CLASP1: variants seen among roughly 807,000 people sequenced by gnomAD.
CLASP1 encodes CLIP-associating protein 1.
In CLASP1, 38 loss-of-function variants were observed where a neutral mutation model predicts 192.3. The ratio of observed to expected loss-of-function variants is 0.20; its 90% CI spans 0.15 to 0.26. The LOEUF (loss-of-function observed/expected upper bound fraction) is 0.26, where lower values mean the gene tolerates loss of function less well. Ranked by LOEUF, CLASP1 falls within the 10% of genes least tolerant of loss-of-function variation. CLASP1 has a pLI of 1.00. For synonymous variants in CLASP1, 691 were observed against 712.8 expected (o/e 0.97, Z 0.49); for missense variants, 1,433 against 1,932.5 (o/e 0.74, Z 4.85).
intron 2 of CLASP1, among the ~76,000 whole-genome samples, chr2:121,554,189 T>C (rs1399080209): frequency 6.6e-6 from 1 of 151,986 alleles, no homozygotes; most frequent in Non-Finnish European, 1.5e-5. Context: ...CACTCTGGCC[T>C]GAGCGACAAA....
At chr2:121,462,278 C>A (rs1056983635) in intron 10 of CLASP1, among the ~76,000 whole-genome samples, 7 of 150,928 alleles carry the variant, frequency 4.6e-5, no homozygotes, top group Admixed American at 2.6e-4. Flanking sequence ...TCATCTATTT[C>A]TTTCTCTTTT....
At chr2:121,559,213 C>T (rs1423118555) in intron 2 of CLASP1, among the ~76,000 whole-genome samples, 1 of 152,098 alleles carries the variant, frequency 6.6e-6, no homozygotes, top group Non-Finnish European at 1.5e-5. Context: ...TTGGTAAGGA[C>T]ATGGAGAAAC....
chr2:121,400,657 T>C (rs2076031371), intron 28 of CLASP1, among the ~76,000 whole-genome samples: 1 of 152,244 alleles, frequency 6.6e-6, no homozygotes, highest in Admixed American at 6.5e-5. Context: ...CAAGGCAAAC[T>C]GTCTGTTTCT....
At chr2:121,546,621 T>C (rs143429411) in intron 2 of CLASP1, among the ~76,000 whole-genome samples, 1 of 152,052 alleles carries the variant, frequency 6.6e-6, no homozygotes, top group Non-Finnish European at 1.5e-5. Flanking sequence ...GTCAGGAGAC[T>C]GCCTCATGAA....
intron 2 of CLASP1, among the ~76,000 whole-genome samples, chr2:121,601,428 T>C (rs7588531): frequency 0.23 from 34,972 of 151,940 alleles, 6,027 homozygotes; most frequent in African/African-American, 0.48. Context: ...TGTGCCACCA[T>C]GCCCAGCTAA....
At chr2:121,542,095 G>A (rs2095246925) in intron 2 of CLASP1, among the ~76,000 whole-genome samples, 1 of 116,650 alleles carries the variant, frequency 8.6e-6, no homozygotes, top group South Asian at 2.7e-4. Flanking sequence ...ATCTTCCCAA[G>A]TCAATAAATA....
chr2:121,412,087 T>C (rs909966426), intron 23 of CLASP1, among the ~76,000 whole-genome samples: 1 of 152,226 alleles, frequency 6.6e-6, no homozygotes, highest in African/African-American at 2.4e-5. Context: ...TTTAAAATTT[T>C]AGATATGCAA....
chr2:121,561,834 T>C (rs964439116), intron 2 of CLASP1, among the ~76,000 whole-genome samples: 5 of 152,300 alleles, frequency 3.3e-5, no homozygotes, highest in Middle Eastern at 3.4e-3. Flanking sequence ...CTCACTATTC[T>C]CCCTTGAAGA....
At chr2:121,574,681 G>A (rs2060322036) in intron 2 of CLASP1, among the ~76,000 whole-genome samples, 1 of 149,094 alleles carries the variant, frequency 6.7e-6, no homozygotes, top group Non-Finnish European at 1.5e-5. Flanking sequence ...GCTCACGCCT[G>A]TAATCCCAGC....
chr2:121,351,975 A>C (rs2064528650), intron 37 of CLASP1, among the ~76,000 whole-genome samples: 1 of 152,180 alleles, frequency 6.6e-6, no homozygotes, highest in Non-Finnish European at 1.5e-5. Flanking sequence ...TCAGAGACTG[A>C]GCTCAAAGCT....
intron 8 of CLASP1, among the ~76,000 whole-genome samples, chr2:121,495,117 T>C (rs930000625): frequency 1.3e-5 from 2 of 151,972 alleles, no homozygotes; most frequent in Non-Finnish European, 2.9e-5. Context: ...GGTCAGGAGA[T>C]AGAGACCATC....
chr2:121,425,990 TA>T (rs928955007), intron 21 of CLASP1, among the ~76,000 whole-genome samples: 1 of 151,776 alleles, frequency 6.6e-6, no homozygotes, highest in Non-Finnish European at 1.5e-5. Context: ...CCAAAAATTG[TA>T]AAAATTTGTC....
At chr2:121,353,805 C>T (rs559379136) in intron 37 of CLASP1, among the ~76,000 whole-genome samples, 1 of 152,320 alleles carries the variant, frequency 6.6e-6, no homozygotes, top group Non-Finnish European at 1.5e-5. Context: ...CACACACACA[C>T]ACACAGATAG....
chr2:121,439,752 C>A (rs2082951442), intron 19 of CLASP1, among the ~76,000 whole-genome samples: 1 of 150,866 alleles, frequency 6.6e-6, no homozygotes, highest in African/African-American at 2.4e-5. Flanking sequence ...TACTATGCAG[C>A]CATAAAAAAT....
At chr2:121,589,548 T>C (rs1215595743) in intron 2 of CLASP1, among the ~76,000 whole-genome samples, 1 of 151,218 alleles carries the variant, frequency 6.6e-6, no homozygotes, top group Non-Finnish European at 1.5e-5. Context: ...GAGAATTGCT[T>C]GAACCTAGGA....
intron 3 of CLASP1, among the ~76,000 whole-genome samples, chr2:121,529,138 A>C (rs557473831): frequency 6.6e-6 from 1 of 152,346 alleles, no homozygotes; most frequent in Admixed American, 6.5e-5. Context: ...GCTCCAGTAT[A>C]TGTGTTTGGG....
In CLASP1 at chr2:121,587,745, C is replaced by T. The variant is rs374379325; in HGVS notation, c.195+17956G>A. Among the ~76,000 whole-genome samples, 358 of 151,530 alleles carry T rather than the reference C, an allele frequency of 2.4e-3. 1 individual carries two copies. The highest frequency in any genetic ancestry group is 8.3e-3 in the South Asian group (40 of 4,802). On this transcript the variant is annotated intron_variant, in intron 2 of 39. Coordinates refer to ENST00000263710, the Ensembl canonical transcript of CLASP1. ...ACTCAGGAGGCTGAGGCAGGGAAAT[C>T]GCTTGAACCCGGGAGGCGGAGGTTA...
At chr2:121,363,610 T>C (rs1456587608) in intron 36 of CLASP1, among the ~76,000 whole-genome samples, 1 of 152,196 alleles carries the variant, frequency 6.6e-6, no homozygotes, top group Non-Finnish European at 1.5e-5. Context: ...TATACCTAAG[T>C]TCATTATCAG....
At chr2:121,423,460 AG>A (rs1192179498) in intron 22 of CLASP1, among the ~76,000 whole-genome samples, 4 of 152,206 alleles carry the variant, frequency 2.6e-5, no homozygotes, top group Non-Finnish European at 5.9e-5. Context: ...AATTTCAAGA[AG>A]AAGATTAAAA....
Sources: allele counts gnomAD v4.1 joint callset (sites outside exome capture counted in the v4.1 genomes callset), GRCh38; gene constraint gnomAD v4.1.1; transcripts MANE v1.5; gene names NCBI Gene and HGNC (gene_info 2026-07-23, HGNC 2026-07-21).